Variants in GTF3C3 observed in about 807,000 individuals in gnomAD.
GTF3C3 encodes the protein general transcription factor IIIC subunit 3, also known as general transcription factor 3C polypeptide 3.
In GTF3C3, 75 loss-of-function variants were observed where a neutral mutation model predicts 105.2. The ratio of observed to expected loss-of-function variants is 0.71; its 90% confidence interval spans 0.59 to 0.86. The LOEUF is 0.86. Among genes scored for constraint, GTF3C3 ranks in the 40% least tolerant of loss-of-function variants. The pLI is 0.00. For missense variants in GTF3C3, 856 were observed against 1,076.5 expected, an observed-to-expected ratio of 0.80 and a Z score of 2.87; for synonymous variants, 335 against 370.4, an observed-to-expected ratio of 0.90 and a Z score of 1.10.
intron 2 of GTF3C3, among the ~76,000 whole-genome samples, chr2:196,797,104 C>T (rs1203805752): frequency 6.6e-6 from 1 of 152,200 alleles, no homozygotes; most frequent in Non-Finnish European, 1.5e-5. Context: ...ATACATGAAG[C>T]TACATTCTAA....
intron 8 of GTF3C3, among the ~76,000 whole-genome samples, chr2:196,782,602 A>C (rs1299155832): frequency 6.6e-6 from 1 of 152,040 alleles, no homozygotes. Context: ...AAAAGGACAA[A>C]GGTATAGCAG....
intron 12 of GTF3C3, among the ~76,000 whole-genome samples, chr2:196,775,519 A>C (rs1699245531): frequency 6.6e-6 from 1 of 152,186 alleles, no homozygotes; most frequent in Non-Finnish European, 1.5e-5. Flanking sequence ...ACTATATTAA[A>C]AAACTAAAAT....
intron 2 of GTF3C3, among the ~76,000 whole-genome samples, chr2:196,795,885 C>T (rs373294455): frequency 4.2e-4 from 64 of 152,146 alleles, no homozygotes; most frequent in African/African-American, 1.4e-3. Context: ...ATAGAAGACC[C>T]AAAATAAATC....
intron 14 of GTF3C3, 149 bp downstream of exon 14, chr2:196,772,767 G>C (rs531179788): frequency 1.5e-5 from 8 of 533,002 alleles, no homozygotes; most frequent in Non-Finnish European, 2.6e-5. Context: ...TGGTCCTAGA[G>C]TGCATCTTCT....
At chr2:196,775,064 C>T (rs1699238810) in intron 13 of GTF3C3, 52 bp downstream of exon 13, 1 of 1,443,110 alleles carries the variant, frequency 6.9e-7, no homozygotes, top group East Asian at 2.3e-5. Flanking sequence ...CTTCATGAGT[C>T]TTTTTCAATT....
chr2:196,789,298 G>C lies in GTF3C3; in HGVS notation c.799C>G (p.His267Asp). The C allele has an allele frequency of 6.2e-7, 1 of 1,613,262 alleles. No homozygotes were observed. Among genetic ancestry groups the C allele is most frequent in the Non-Finnish European group, 8.5e-7 (1 of 1,179,406 alleles). Reference protein sequence around the residue: ...RSSLYEQMGDHKMAMDGYRRI... With the variant: ...RSSLYEQMGDDKMAMDGYRRI... ...CTATAACCATCCATGGCCATTTTAT[G>C]ATCACCCATCTGTTCATAAAGGCTT... Residue 267 changes from histidine to aspartate, a missense_variant, in exon 6 of 18, where the codon CAT (histidine) becomes GAT (aspartate). By Grantham distance (81) the His-to-Asp change is moderately conservative (BLOSUM62 -1). Transcript: ENST00000263956.
intron 10 of GTF3C3, chr2:196,778,050 C>T (rs1203465824): frequency 6.6e-6 from 1 of 152,210 alleles, no homozygotes; most frequent in Non-Finnish European, 1.5e-5. Context: ...TCTTTCCTAG[C>T]TCATATCTGT....
In GTF3C3 at chr2:196,763,378, C is replaced by T. The variant is rs1185130815; in HGVS notation, c.*1185G>A. The T allele has an allele frequency of 6.6e-6, 1 of 152,134 alleles. No individual in the cohort carries two copies. Among genetic ancestry groups the T allele is most frequent in the African/African-American group, 2.4e-5 (1 of 41,428 alleles). The allele number at this position is 152,134 out of a possible 1,614,324, so 9.4% of individuals were successfully genotyped here. On this transcript the variant is annotated 3_prime_UTR_variant, in exon 18 of 18. Transcript: ENST00000263956. ...ACAGAATTCCAACACACAAGTCTAA[C>T]TTATTACTGTATCTCAGTTACCTCT...
intron 1 of GTF3C3, chr2:196,799,133 G>A (rs994927219): frequency 2.3e-5 from 4 of 177,246 alleles, no homozygotes; most frequent in African/African-American, 9.5e-5. Context: ...GCCTAAAGAA[G>A]AGAAGTGAGC....
chr2:196,781,431 C>A (rs1699361250), intron 8 of GTF3C3, among the ~76,000 whole-genome samples: 2 of 128,526 alleles, frequency 1.6e-5, no homozygotes, highest in Non-Finnish European at 1.6e-5. Context: ...AGTTTAACAG[C>A]TATTTACATA....
At chr2:196,798,862 C>CAAAAAAAAAA (rs71410624) in intron 1 of GTF3C3, among the ~76,000 whole-genome samples, 1 of 83,782 alleles carries the variant, frequency 1.2e-5, no homozygotes. Flanking sequence ...AACTCCGTCT[C>CAAAAAAAAAA]AAAAAAAAAA....
chr2:196,780,637 T>C lies in GTF3C3; in HGVS notation c.1140A>G (p.Ile380Met). 6.2e-7 allele frequency: 1 copy of C among 1,612,932 alleles called. No individual in the cohort carries two copies. The change falls in exon 9 of 18, where the codon ATA becomes ATG. Residue 380 changes from isoleucine to methionine, a missense_variant. Physicochemically the swap from Ile to Met is conservative, Grantham distance 10. Around this residue, in one of 3 missense-constraint regions of GTF3C3, gnomAD observed 605 missense variants for 833.6 expected, o/e 0.73. Transcript: ENST00000263956. ...NKAPENVTCT[I>M]PDGVPIDITV... ...TGATATCTATTGGCACGCCATCAGGTATAGTGCAGGTAACATTCTCAGGAG... is the reference window on the plus strand; with the variant it reads ...TGATATCTATTGGCACGCCATCAGGCATAGTGCAGGTAACATTCTCAGGAG...
chr2:196,797,601 A>G (rs1037704466), intron 2 of GTF3C3, among the ~76,000 whole-genome samples, 196 bp downstream of exon 2: 1 of 152,248 alleles, frequency 6.6e-6, no homozygotes, highest in African/African-American at 2.4e-5. Flanking sequence ...CAGAGCTCAC[A>G]AAAAATAACC....
intron 9 of GTF3C3, among the ~76,000 whole-genome samples, chr2:196,779,590 G>A (rs1699312447): frequency 6.6e-6 from 1 of 152,200 alleles, no homozygotes; most frequent in Non-Finnish European, 1.5e-5. Context: ...CAGCTCATCT[G>A]TTTTGCTCTT....
intron 2 of GTF3C3, among the ~76,000 whole-genome samples, chr2:196,797,394 G>A (rs574919000): frequency 2.0e-5 from 3 of 152,250 alleles, no homozygotes; most frequent in South Asian, 2.1e-4. Context: ...TGCCTTCCAC[G>A]CTAACATTTC....
Position 196,789,285 on chromosome 2 carries a change from A to G in GTF3C3, c.812T>C (p.Met271Thr), listed in dbSNP as rs1177492701. ...GTTTAAAATACGCCTATAACCATCC[A>G]TGGCCATTTTATGATCACCCATCTG... is the stretch of plus-strand genomic sequence containing the variant. ...YEQMGDHKMA[M>T]DGYRRILNLL... The change falls in exon 6 of 18, where the codon ATG becomes ACG. Residue 271 changes from methionine (M) to threonine (T), a missense_variant. Met to Thr is a moderately conservative substitution (Grantham distance 81). Transcript: ENST00000263956. The G allele has an allele frequency of 6.8e-6, 11 of 1,613,566 alleles. No individual in the cohort carries two copies. The highest frequency in any genetic ancestry group is 2.2e-5 in the South Asian group (2 of 91,038).
intron 16 of GTF3C3, among the ~76,000 whole-genome samples, chr2:196,769,171 A>T (rs1259700744): frequency 6.6e-6 from 1 of 152,182 alleles, no homozygotes; most frequent in African/African-American, 2.4e-5. Flanking sequence ...ACTCATACCT[A>T]GTTTCAACTG....
At chr2:196,772,345 T>C (rs921569381) in intron 14 of GTF3C3, among the ~76,000 whole-genome samples, 2 of 152,038 alleles carry the variant, frequency 1.3e-5, no homozygotes, top group Non-Finnish European at 2.9e-5. Context: ...GGTCGGGAGT[T>C]GGAGACCAGC....
chr2:196,769,883 A>C (rs747276086), intron 16 of GTF3C3, 32 bp downstream of exon 16: 2 of 1,573,346 alleles, frequency 1.3e-6, no homozygotes, highest in South Asian at 1.1e-5. Flanking sequence ...AAGAAACATA[A>C]AATCAAGTAA....
Sources: allele counts gnomAD v4.1 joint callset (sites outside exome capture counted in the v4.1 genomes callset), GRCh38; gene constraint gnomAD v4.1.1; regional missense constraint gnomAD v4.1.1; transcripts MANE v1.5; gene names NCBI Gene and HGNC (gene_info 2026-07-23, HGNC 2026-07-21).